The following RFX1 variants were observed in gnomAD, a reference collection of about 807,000 sequenced individuals.
RFX1 encodes the protein MHC class II regulatory factor RFX1.
In RFX1, 42 loss-of-function variants were observed where a neutral mutation model predicts 119.6. The ratio of observed to expected loss-of-function variants is 0.35; its 90% CI spans 0.27 to 0.45. RFX1 has a LOEUF of 0.45. Ranked by LOEUF, RFX1 falls within the 20% of genes least tolerant of loss-of-function variation. RFX1 has a pLI of 1.00. For synonymous variants in RFX1, 628 were observed against 618.5 expected (o/e 1.02, Z -0.23); for missense variants, 1,118 against 1,368.1 (o/e 0.82, Z 2.88).
intron 7 of RFX1, among the ~76,000 whole-genome samples, chr19:13,978,355 T>C (rs988397570): frequency 3.3e-5 from 5 of 152,060 alleles, no homozygotes; most frequent in African/African-American, 1.2e-4. Context: ...GACAGGGTCC[T>C]GTAGTGGGCG....
At chr19:13,997,296 C>T (rs1039865187) in intron 1 of RFX1, among the ~76,000 whole-genome samples, 1 of 152,182 alleles carries the variant, frequency 6.6e-6, no homozygotes, top group Non-Finnish European at 1.5e-5. Context: ...AGGTAAGAAA[C>T]GAGCCCTGGA....
Position 13,962,562 on chromosome 19 carries a change from C to T in RFX1, c.*133G>A, listed in dbSNP as rs1599467791. On this transcript the variant is annotated 3_prime_UTR_variant, in exon 21 of 21. Transcript: ENST00000254325. Reference sequence around the variant, plus strand: ...CCGGCCCCATAAGGGAGGAGGGCCCCGGTCTTCCCTGTCTCGGAGTCCCCC... The same window carrying T: ...CCGGCCCCATAAGGGAGGAGGGCCCTGGTCTTCCCTGTCTCGGAGTCCCCC... 6 of 724,754 alleles carry T rather than the reference C, an allele frequency of 8.3e-6. No homozygotes were observed. Among genetic ancestry groups the T allele is most frequent in the African/African-American group, 7.6e-5 (4 of 52,798 alleles). The allele number at this position is 724,754 out of a possible 1,614,324, so 44.9% of individuals were successfully genotyped here.
chr19:13,993,498 T>A, intron 2 of RFX1, 27 bp downstream of exon 2: 3 of 1,595,064 alleles, frequency 1.9e-6, no homozygotes, highest in Non-Finnish European at 2.6e-6. Flanking sequence ...GAGAGGAGTT[T>A]TCAGGACACA....
In RFX1 at chr19:13,969,246, G is replaced by A. The variant is rs549948144; in HGVS notation, c.1497-352C>T. Among the ~76,000 whole-genome samples the A allele has an allele frequency of 1.4e-4, 22 of 152,242 alleles. No individual in the cohort carries two copies. Among genetic ancestry groups the A allele is most frequent in the African/African-American group, 4.6e-4 (19 of 41,536 alleles). ...TTGGGATGCCTTCTTGTTCCTTCCC[G>A]CATGAATTTACTGACTCACAGACCC... On this transcript the variant is annotated intron_variant, in intron 10 of 20. Coordinates refer to ENST00000254325, the MANE Select transcript of RFX1 (RefSeq NM_002918.5). This position sits in a 1 kb window ranked among gnomAD's most constrained non-coding sequence, Gnocchi z 4.5.
In RFX1 at chr19:13,966,270, G is replaced by A. The variant is rs534920285; in HGVS notation, c.1961+151C>T. ...ACTCCACCCCCGACTGTTGAGTGTC[G>A]GGTGGCTATACACACTCCACACAGC... is the stretch of plus-strand genomic sequence containing the variant. On this transcript the variant is annotated intron_variant, in intron 14 of 20. Coordinates refer to ENST00000254325, the MANE Select transcript of RFX1 (RefSeq NM_002918.5). The surrounding 1 kb of genome is among the most constrained non-coding windows in gnomAD (Gnocchi z 6.3). The A allele has an allele frequency of 2.2e-5, 13 of 584,932 alleles. No individual in the cohort carries two copies. Among genetic ancestry groups the A allele is most frequent in the Middle Eastern group, 9.0e-4 (2 of 2,220 alleles). The allele number at this position is 584,932 out of a possible 1,614,324, so 36.2% of individuals were successfully genotyped here. A position where few individuals can be genotyped will look rare whatever the true frequency, so the allele number is the denominator to read the frequency against.
chr19:13,985,881 G>A lies in RFX1; in HGVS notation c.320-2286C>T, dbSNP rs2145600275. Among the ~76,000 whole-genome samples, 1 of 152,284 alleles carries A rather than the reference G, an allele frequency of 6.6e-6. No individual in the cohort carries two copies. Among genetic ancestry groups the A allele is most frequent in the South Asian group, 2.1e-4 (1 of 4,818 alleles). ...CGCAGGAGTGTGTGTTGGGGGCGGG[G>A]GTTGCCAGATGTGGGAGGTGTTGGG... On this transcript the variant is annotated intron_variant, in intron 2 of 20. Transcript: ENST00000254325. The surrounding 1 kb of genome is among the most constrained non-coding windows in gnomAD (Gnocchi z 4.3).
rs1487397345 is a variant in RFX1, at chr19:13,969,411, G to A, written c.1497-517C>T. 6.6e-6 allele frequency among the ~76,000 whole-genome samples: 1 copy of A among 152,164 alleles called. No individual in the cohort carries two copies. Among genetic ancestry groups the A allele is most frequent in the Non-Finnish European group, 1.5e-5 (1 of 68,040 alleles). On this transcript the variant is annotated intron_variant, in intron 10 of 20. Coordinates refer to ENST00000254325, the MANE Select transcript of RFX1 (RefSeq NM_002918.5). The surrounding 1 kb of genome is among the most constrained non-coding windows in gnomAD (Gnocchi z 4.5). The stretch of plus-strand genomic sequence containing the variant: ...GTCATGCCTATAATCCTAGCACTTT[G>A]GGAGGCCAAGGCAGGTGGATCACTT...
chr19:13,971,722 A>G (rs10425750), intron 9 of RFX1, among the ~76,000 whole-genome samples: 2 of 152,118 alleles, frequency 1.3e-5, no homozygotes, highest in Admixed American at 6.6e-5. Flanking sequence ...AAAATTTTTT[A>G]AAATCCGCCA....
intron 5 of RFX1, among the ~76,000 whole-genome samples, chr19:13,981,466 C>T (rs142747373): frequency 6.6e-6 from 1 of 152,316 alleles, no homozygotes; most frequent in African/African-American, 2.4e-5. Context: ...CGTGGTGGCG[C>T]ATGTCTCTAA....
In RFX1 at chr19:13,968,483, C is replaced by A. The variant is rs1392419206; in HGVS notation, c.1732+82G>T. On this transcript the variant is annotated intron_variant, in intron 12 of 20. Coordinates refer to ENST00000254325, the MANE Select transcript of RFX1 (RefSeq NM_002918.5). The surrounding 1 kb of genome is among the most constrained non-coding windows in gnomAD (Gnocchi z 5.5). ...CAAGCCCTCCCCAGCTCAGAGGCTG[C>A]CTGCCGCCATCCAGCTTTGGGAACC... is the stretch of plus-strand genomic sequence containing the variant. The A allele has an allele frequency of 8.6e-7, 1 of 1,158,416 alleles. No individual in the cohort carries two copies. Among genetic ancestry groups the A allele is most frequent in the African/African-American group, 1.5e-5 (1 of 66,512 alleles). 71.8% of individuals were successfully genotyped at this position (1,158,416 alleles called of 1,614,324 possible).
At chr19:14,002,377 C>A (rs1002957324) in intron 1 of RFX1, among the ~76,000 whole-genome samples, 2 of 150,478 alleles carry the variant, frequency 1.3e-5, no homozygotes, top group Non-Finnish European at 3.0e-5. Context: ...CCCAGCTACT[C>A]GGGAGGCTGA....
chr19:13,973,024 C>T lies in RFX1; in HGVS notation c.1033G>A (p.Ala345Thr), dbSNP rs373805947. The change falls in exon 9 of 21, where the codon GCC becomes ACC. Residue 345 changes from alanine (A) to threonine (T), a missense_variant. Physicochemically the swap from Ala to Thr is moderately conservative, Grantham distance 58. Transcript: ENST00000254325. ...AGTATQVSTP[A>T]TSQAVASSGS... ...CTGCTGGCCACCGCCTGGGAGGTGG[C>T]GGGGGTGCTGACCTGGGTGGCCGTG... is the stretch of plus-strand genomic sequence containing the variant. 16 of 1,601,116 alleles carry T rather than the reference C, an allele frequency of 1.0e-5. No homozygotes were observed. Among genetic ancestry groups the T allele is most frequent in the Admixed American group, 5.0e-5 (3 of 59,962 alleles).
intron 3 of RFX1, 38 bp downstream of exon 3, chr19:13,983,448 C>T (rs762611197): frequency 7.3e-6 from 11 of 1,509,398 alleles, no homozygotes; most frequent in Admixed American, 1.9e-5. Context: ...GCCCCCCTCC[C>T]GGGCCCTCCC....
At chr19:13,976,265 C>T (rs775099170) in intron 8 of RFX1, among the ~76,000 whole-genome samples, 59 of 152,356 alleles carry the variant, frequency 3.9e-4, no homozygotes, top group Admixed American at 1.4e-3. Flanking sequence ...CATGAGCTAA[C>T]CAATCCCAGC....
intron 4 of RFX1, 31 bp from the exon 5 acceptor site, chr19:13,982,259 T>C (rs760008475): frequency 1.3e-5 from 16 of 1,214,104 alleles, no homozygotes; most frequent in Admixed American, 3.2e-5. Context: ...GGAGGGCAGA[T>C]CACTGATGAC....
chr19:13,999,461 G>A (rs1211874411), intron 1 of RFX1, among the ~76,000 whole-genome samples: 1 of 152,188 alleles, frequency 6.6e-6, no homozygotes, highest in South Asian at 2.1e-4. Flanking sequence ...ATGTGAAAGT[G>A]GCCATGCACA....
rs1400830671 is a variant in RFX1 at position 13,972,771 on chromosome 19, G to A, written c.1286C>T (p.Ser429Phe). The change falls in exon 9 of 21, where the codon TCT (serine) becomes TTT (phenylalanine). Residue 429 changes from serine to phenylalanine, a missense_variant. By Grantham distance (155) the Ser-to-Phe change is radical. Transcript: ENST00000254325. ...GGCTGGCGAGGCACGGGTGGTGTGA[G>A]AGTAAGACTGGCTGGCACTGCCCAG... ...YMLGSASQSY[S>F]HTTRASPATV... 6.2e-7 allele frequency: 1 copy of A among 1,606,178 alleles called. No homozygotes were observed. Among genetic ancestry groups the A allele is most frequent in the Non-Finnish European group, 8.5e-7 (1 of 1,176,248 alleles).
chr19:14,004,464 A>G (rs879379921), intron 1 of RFX1, among the ~76,000 whole-genome samples: 5 of 152,104 alleles, frequency 3.3e-5, no homozygotes, highest in Non-Finnish European at 7.3e-5. Context: ...GCCAAAATCA[A>G]GCCACTGCAC....
intron 4 of RFX1, chr19:13,982,880 T>G (rs1974472262): frequency 2.3e-6 from 1 of 431,246 alleles, no homozygotes; most frequent in Non-Finnish European, 4.2e-6. Context: ...GGCTGTGGAC[T>G]CCTGACTCTA....
Sources: gnomAD v4.1 joint callset for allele counts (sites outside exome capture counted in the v4.1 genomes callset) on GRCh38, gnomAD v4.1.1 for gene constraint, Gnocchi (gnomAD v3.1) non-coding constraint, MANE v1.5 for transcripts, NCBI Gene and HGNC (gene_info 2026-07-23, HGNC 2026-07-21) for gene names.